MCM3AP: variants seen among roughly 807,000 people sequenced by gnomAD.
The protein encoded by MCM3AP is minichromosome maintenance complex component 3 associated protein, also known as germinal-center associated nuclear protein.
Under a neutral mutation model 184.1 loss-of-function variants are expected in MCM3AP, and 126 were observed. The observed-to-expected ratio is 0.68, with a 90% CI of 0.59 to 0.79. MCM3AP has a LOEUF of 0.79. Among genes scored for constraint, MCM3AP ranks in the 30% least tolerant of loss-of-function variants. MCM3AP has a pLI of 0.00. For missense variants in MCM3AP, 2,496 were observed against 2,479.2 expected (o/e 1.01, Z -0.14); for synonymous variants, 1,002 against 979.3 (o/e 1.02, Z -0.43).
At chr21:46,268,324 A>C (rs2081138734) in intron 9 of MCM3AP, among the ~76,000 whole-genome samples, 1 of 152,248 alleles carries the variant, frequency 6.6e-6, no homozygotes, top group Non-Finnish European at 1.5e-5. Flanking sequence ...GATGTTCTTT[A>C]ATTCAACCAA....
intron 5 of MCM3AP, among the ~76,000 whole-genome samples, chr21:46,275,554 C>CT (rs921089244): frequency 6.6e-6 from 1 of 152,192 alleles, no homozygotes; most frequent in Non-Finnish European, 1.5e-5. Context: ...CCACCTCTCT[C>CT]TAACAGTCAC....
Position 46,254,424 on chromosome 21 carries a change from A to G in MCM3AP, c.4104T>C (p.Asp1368=). 6.2e-7 allele frequency: 1 copy of G among 1,614,082 alleles called. No individual in the cohort carries two copies. The highest frequency in any genetic ancestry group is 1.1e-5 in the South Asian group (1 of 91,082). ...VFWKLVLVLP[D]VEEQSPESCG... The stretch of plus-strand genomic sequence containing the variant: ...AACTCTCTGGGGACTGCTCCTCTAC[A>G]TCCGGCAACACCAGCACCAGCTTCC... Residue 1368 remains aspartate, a synonymous_variant, in exon 19 of 28, where the codon GAT becomes GAC. Coordinates refer to ENST00000291688, the MANE Select transcript of MCM3AP (RefSeq NM_003906.5).
intron 26 of MCM3AP, among the ~76,000 whole-genome samples, chr21:46,239,085 G>A (rs982265178): frequency 6.6e-6 from 1 of 152,186 alleles, no homozygotes; most frequent in African/African-American, 2.4e-5. Context: ...GAATGGAGGG[G>A]CTGGACAGTC....
At chr21:46,244,656 G>A (rs1196878208) in intron 23 of MCM3AP, 151 bp downstream of exon 23, 5 of 819,368 alleles carry the variant, frequency 6.1e-6, no homozygotes, top group Non-Finnish European at 9.5e-6. Flanking sequence ...ACCAAAGGAA[G>A]GTGCAGGCGA....
At chr21:46,276,442 ATTTT>A (rs1237457563) in intron 5 of MCM3AP, among the ~76,000 whole-genome samples, 1 of 149,936 alleles carries the variant, frequency 6.7e-6, no homozygotes, top group Non-Finnish European at 1.5e-5. Context: ...CCTATAGCTG[ATTTT>A]TTTTTTCTTT....
intron 19 of MCM3AP, 166 bp from the exon 20 acceptor site, chr21:46,251,848 T>G: frequency 4.2e-6 from 2 of 479,472 alleles, no homozygotes; most frequent in Non-Finnish European, 7.6e-6. Context: ...AACAGGCTGT[T>G]GTTTTAAAAT....
chr21:46,285,059 G>A lies in MCM3AP; in HGVS notation c.228C>T (p.Thr76=), dbSNP rs2081391603. Residue 76 remains threonine (T), a synonymous_variant, in exon 1 of 28, where the codon ACC becomes ACT. Transcript: ENST00000291688. ...AAAAGGGTCCAACACTTGAGGTTTG[G>A]GTGAACCCTAATGTTTGCACTGAAG... ...HSSSVQTLGF[T]QTSSVGPFSG... is the part of the protein sequence containing the mutation. 6.2e-7 allele frequency: 1 copy of A among 1,614,178 alleles called. No homozygotes were observed. Among genetic ancestry groups the A allele is most frequent in the South Asian group, 1.1e-5 (1 of 91,080 alleles).
In MCM3AP at chr21:46,284,343, A is replaced by G. The variant is rs1408389151; in HGVS notation, c.944T>C (p.Leu315Pro). Residue 315 changes from leucine to proline, a missense_variant, in exon 1 of 28, where the codon CTG (leucine) becomes CCG (proline). Coordinates refer to ENST00000291688, the MANE Select transcript of MCM3AP (RefSeq NM_003906.5). ...GTCTGGAGGATGATCGCCCCGGGAC[A>G]GAGGATCCGAATCTTCTGCTGGCTC... ...GHEPAEDSDP[L>P]SRGDHPPDKR... The G allele has an allele frequency of 6.2e-7, 1 of 1,614,234 alleles. No individual in the cohort carries two copies. The highest frequency in any genetic ancestry group is 8.5e-7 in the Non-Finnish European group (1 of 1,180,032).
chr21:46,265,496 A>G lies in MCM3AP; in HGVS notation c.3059T>C (p.Val1020Ala). Residue 1020 changes from valine (V) to alanine (A), a missense_variant, in exon 12 of 28, where the codon GTA becomes GCA. Around this residue, in one of 5 missense-constraint regions of MCM3AP, gnomAD observed 1,323 missense variants for 1,273.4 expected, o/e 1.04. Transcript: ENST00000291688. ...ACTGGACAGGGGTGCATCCGGCTCT[A>G]CACCACACTCCTCTCCTCTCCCTCC... ...VGGGRGEECG[V>A]EPDAPLSSLP... is the part of the protein sequence containing the mutation. 1 of 1,609,302 alleles carries G rather than the reference A, an allele frequency of 6.2e-7. No individual in the cohort carries two copies. The highest frequency in any genetic ancestry group is 1.1e-5 in the South Asian group (1 of 90,650).
intron 25 of MCM3AP, chr21:46,241,923 C>G (rs183409353): frequency 6.6e-6 from 1 of 152,178 alleles, no homozygotes. Context: ...GGAGAAGGTA[C>G]TTCAAGGATC....
At chr21:46,280,460 T>C (rs755288139) in intron 3 of MCM3AP, 37 bp downstream of exon 3, 6 of 1,442,832 alleles carry the variant, frequency 4.2e-6, no homozygotes, top group Non-Finnish European at 5.8e-6. Flanking sequence ...ATAAAAATAA[T>C]TTTTTTAAAA....
chr21:46,263,157 T>C (rs1007625346), intron 13 of MCM3AP, among the ~76,000 whole-genome samples: 12 of 151,336 alleles, frequency 7.9e-5, no homozygotes, highest in Admixed American at 2.6e-4. Context: ...GGTGAAACCC[T>C]GTCTCTACTA....
intron 23 of MCM3AP, among the ~76,000 whole-genome samples, chr21:46,244,356 T>C (rs1475595988): frequency 2.6e-5 from 4 of 152,242 alleles, no homozygotes; most frequent in Non-Finnish European, 4.4e-5. Flanking sequence ...GCCAGAGCCA[T>C]AGAAGAAGGC....
In MCM3AP at chr21:46,284,653, G is replaced by A. The variant is rs770832274; in HGVS notation, c.634C>T (p.Pro212Ser). The A allele has an allele frequency of 7.4e-6, 12 of 1,614,118 alleles. No individual in the cohort carries two copies. Among genetic ancestry groups the A allele is most frequent in the Non-Finnish European group, 1.0e-5 (12 of 1,180,028 alleles). Reference protein sequence around the residue: ...ATTSNFTFSKPVSSNNSLSAF... With the variant: ...ATTSNFTFSKSVSSNNSLSAF... Reference sequence around the variant, plus strand: ...GATAATGAATTATTACTACTAACAGGTTTTGAAAAGGTAAAATTTGAAGTG... The same window carrying A: ...GATAATGAATTATTACTACTAACAGATTTTGAAAAGGTAAAATTTGAAGTG... Residue 212 changes from proline (P) to serine (S), a missense_variant, in exon 1 of 28, where the codon CCT becomes TCT. By Grantham distance (74) the Pro-to-Ser change is moderately conservative. Transcript: ENST00000291688.
intron 19 of MCM3AP, chr21:46,252,613 TGA>T (rs1284984545): frequency 6.6e-6 from 1 of 151,344 alleles, no homozygotes; most frequent in Admixed American, 6.6e-5. Flanking sequence ...TGCTTGAACC[TGA>T]GAGGTGGAGG....
rs376354711 is a variant in MCM3AP at position 46,256,888 on chromosome 21, G to A, written c.3833C>T (p.Ala1278Val). 12 of 1,602,648 alleles carry A rather than the reference G, an allele frequency of 7.5e-6. No individual in the cohort carries two copies. In the East Asian group the frequency reaches 9.0e-5, roughly 12 times the overall value. ...CCVDVSDRLRALAPSAECPIA... is the reference protein window; with the variant it reads ...CCVDVSDRLRVLAPSAECPIA... ...GGGGCACTCTGCGCTGGGCGCCAGCGCCCTCAGCCGGTCGCTCACGTCCAC... is the reference window on the plus strand; with the variant it reads ...GGGGCACTCTGCGCTGGGCGCCAGCACCCTCAGCCGGTCGCTCACGTCCAC... Residue 1278 changes from alanine to valine, a missense_variant, in exon 17 of 28, where the codon GCG (alanine) becomes GTG (valine). Ala to Val is a moderately conservative substitution (Grantham distance 64, BLOSUM62 0). This residue lies in a region of MCM3AP where 1,323 missense variants were observed against 1,273.4 expected (regional missense o/e 1.04). Transcript: ENST00000291688.
rs2080592958 is a variant in MCM3AP, at chr21:46,238,710, A to ATTTTTTTTTG, written c.5634-1732_5634-1731insCAAAAAAAAA. On this transcript the variant is annotated intron_variant, in intron 26 of 27. Transcript: ENST00000291688. ...GCAACAGAGCGAGACTCTATCTAAT[A>ATTTTTTTTTG]AAAAGGAAAAAAAAATCTCATCCCA... is the stretch of plus-strand genomic sequence containing the variant. 4.2e-4 allele frequency among the ~76,000 whole-genome samples: 22 copies of ATTTTTTTTTG among 52,786 alleles called. 8 individuals are homozygous for ATTTTTTTTTG. Among genetic ancestry groups the ATTTTTTTTTG allele is most frequent in the Admixed American group, 1.8e-3 (8 of 4,330 alleles). 34.6% of individuals were successfully genotyped at this position (52,786 alleles called of 152,430 possible). A position where few individuals can be genotyped will look rare whatever the true frequency, so the allele number is the denominator to read the frequency against.
At chr21:46,261,097 G>A (rs534054009) in intron 14 of MCM3AP, among the ~76,000 whole-genome samples, 183 bp downstream of exon 14, 4 of 152,256 alleles carry the variant, frequency 2.6e-5, no homozygotes, top group Non-Finnish European at 2.9e-5. Flanking sequence ...CACTGCTCAC[G>A]GGTAGGTGTG....
chr21:46,261,017 G>T, intron 14 of MCM3AP, 111 bp from the exon 15 acceptor site: 1 of 921,082 alleles, frequency 1.1e-6, no homozygotes, highest in Non-Finnish European at 1.7e-6. Context: ...TGCCTGAGTC[G>T]GTAGGCCACC....
Sources: allele counts gnomAD v4.1 joint callset (sites outside exome capture counted in the v4.1 genomes callset), GRCh38; gene constraint gnomAD v4.1.1; regional missense constraint gnomAD v4.1.1; transcripts MANE v1.5; gene names NCBI Gene and HGNC (gene_info 2026-07-23, HGNC 2026-07-21).